The following RPRD1B variants were observed in gnomAD, a reference collection of about 807,000 sequenced individuals.
RPRD1B encodes the protein regulation of nuclear pre-mRNA domain containing 1B.
In RPRD1B, 11 loss-of-function variants were observed where a neutral mutation model predicts 41.5. The observed-to-expected ratio is 0.27, with a 90% CI of 0.17 to 0.44. The LOEUF is 0.44. Ranked by LOEUF, RPRD1B falls within the 20% of genes least tolerant of loss-of-function variation. The probability of loss-of-function intolerance (pLI) is 1.00; values close to 1 mark genes in which losing one functional copy is unlikely to be tolerated. For missense variants in RPRD1B, 248 were observed against 389.9 expected (o/e 0.64, Z 3.06); for synonymous variants, 158 against 155.6 (o/e 1.02, Z -0.12).
chr20:38,061,314 A>C (rs759431753), intron 5 of RPRD1B, among the ~76,000 whole-genome samples: 1 of 152,124 alleles, frequency 6.6e-6, no homozygotes, highest in Non-Finnish European at 1.5e-5. Context: ...CCTGGCAACC[A>C]CCATTCTTAA....
At chr20:38,047,141 G>A (rs2074128778) in intron 2 of RPRD1B, among the ~76,000 whole-genome samples, 1 of 151,932 alleles carries the variant, frequency 6.6e-6, no homozygotes, top group Non-Finnish European at 1.5e-5. Flanking sequence ...CAAGTAATTG[G>A]GTCATATTTT....
chr20:38,079,568 T>C (rs1029822025), intron 6 of RPRD1B, among the ~76,000 whole-genome samples: 109 of 152,346 alleles, frequency 7.2e-4, no homozygotes, highest in African/African-American at 2.5e-3. Context: ...TTCTTTTTTA[T>C]GGCTGCATAG....
intron 6 of RPRD1B, among the ~76,000 whole-genome samples, chr20:38,078,605 C>A (rs2074486475): frequency 6.6e-6 from 1 of 152,182 alleles, no homozygotes; most frequent in Non-Finnish European, 1.5e-5. Context: ...CCAACCCACT[C>A]CTGATACTTG....
chr20:38,034,418 A>G (rs1027683268), intron 1 of RPRD1B, among the ~76,000 whole-genome samples: 5 of 152,264 alleles, frequency 3.3e-5, no homozygotes, highest in South Asian at 2.1e-4. Flanking sequence ...TGGCCCTAGC[A>G]TGTCGGGCCC....
intron 6 of RPRD1B, among the ~76,000 whole-genome samples, chr20:38,076,944 A>T (rs1600434539): frequency 1.6e-5 from 1 of 62,562 alleles, no homozygotes; most frequent in African/African-American, 6.3e-5. Flanking sequence ...TTTGAGATGG[A>T]GTCTCGCTGT....
At chr20:38,071,828 G>A (rs1371071048) in intron 6 of RPRD1B, among the ~76,000 whole-genome samples, 1 of 152,122 alleles carries the variant, frequency 6.6e-6, no homozygotes, top group Non-Finnish European at 1.5e-5. Context: ...TTTATCTTTG[G>A]AGAAATGTGT....
At chr20:38,048,205 G>GC (rs1451213060) in intron 2 of RPRD1B, 143 bp from the exon 3 acceptor site, 4 of 766,144 alleles carry the variant, frequency 5.2e-6, no homozygotes, top group South Asian at 3.3e-5. Flanking sequence ...GGGTATCCAG[G>GC]TATTACAATA....
At chr20:38,049,920 C>T in intron 3 of RPRD1B, 1 of 456,800 alleles carries the variant, frequency 2.2e-6, no homozygotes, top group South Asian at 1.6e-5. Context: ...AACTGAATTG[C>T]CGACAGTTTA....
chr20:38,088,421 G>A (rs2074582004), intron 6 of RPRD1B, among the ~76,000 whole-genome samples: 1 of 152,176 alleles, frequency 6.6e-6, no homozygotes, highest in Non-Finnish European at 1.5e-5. Flanking sequence ...CACACAGCAG[G>A]TTAGAGGCAG....
rs1401432007 is a variant in RPRD1B, at chr20:38,090,375, C to T, written c.*500C>T. ...CCCAAAAGGTTGTAGGCACAGCTGT[C>T]GTAGCGTTGCCATAAAGAGTTTGCC... On this transcript the variant is annotated 3_prime_UTR_variant, in exon 7 of 7. Coordinates refer to ENST00000373433, the MANE Select transcript of RPRD1B (RefSeq NM_021215.4). The T allele has an allele frequency of 1.5e-5, 15 of 986,084 alleles. No homozygotes were observed. The highest frequency in any genetic ancestry group is 6.1e-5 in the Admixed American group (1 of 16,298). The allele number at this position is 986,084 out of a possible 1,614,324, so 61.1% of individuals were successfully genotyped here.
rs2074404718 is a variant in RPRD1B, at chr20:38,070,742, T to A, written c.831+4486T>A. 3.1e-6 allele frequency: 3 copies of A among 955,452 alleles called. No individual in the cohort carries two copies. In the Admixed American group the frequency reaches 1.9e-4, roughly 60 times the overall value. The allele number at this position is 955,452 out of a possible 1,614,324, so 59.2% of individuals were successfully genotyped here. ...AGTTTTCCCTTCTTAACTGTGATTT[T>A]TTTTTTTTTTTTTTTGAGACAGACT... On this transcript the variant is annotated intron_variant, in intron 6 of 6. Transcript: ENST00000373433.
rs1195065003 is a variant in RPRD1B, at chr20:38,091,064, G to C, written c.*1189G>C. 1 of 985,692 alleles carries C rather than the reference G, an allele frequency of 1.0e-6. No individual in the cohort carries two copies. Among genetic ancestry groups the C allele is most frequent in the South Asian group, 4.7e-5 (1 of 21,286 alleles). The allele number at this position is 985,692 out of a possible 1,614,324, so 61.1% of individuals were successfully genotyped here. ...ACATTATGACTATATAATGTAGTTAGAGACAATTTTTATCTTGCTTATAGT... is the reference window on the plus strand; with the variant it reads ...ACATTATGACTATATAATGTAGTTACAGACAATTTTTATCTTGCTTATAGT... On this transcript the variant is annotated 3_prime_UTR_variant, in exon 7 of 7. Coordinates refer to ENST00000373433, the MANE Select transcript of RPRD1B (RefSeq NM_021215.4).
intron 6 of RPRD1B, among the ~76,000 whole-genome samples, chr20:38,077,110 G>T (rs2074469912): frequency 6.6e-6 from 1 of 151,220 alleles, no homozygotes. Context: ...TAGAGACGGG[G>T]TTTCACCATG....
Position 38,048,244 on chromosome 20 carries a change from A to G in RPRD1B, c.282-104A>G, listed in dbSNP as rs1351809702. ...ACCTTATTTGGTTTTAAATGTGTAA[A>G]TCATTTAGTCAGTTGTTGATTTCTT... On this transcript the variant is annotated intron_variant, in intron 2 of 6. Coordinates refer to ENST00000373433, the MANE Select transcript of RPRD1B (RefSeq NM_021215.4). 2.5e-6 allele frequency: 3 copies of G among 1,199,280 alleles called. No homozygotes were observed. In the African/African-American group the frequency reaches 4.6e-5, roughly 18 times the overall value. 74.3% of individuals were successfully genotyped at this position (1,199,280 alleles called of 1,614,324 possible). A position where few individuals can be genotyped will look rare whatever the true frequency, so the allele number is the denominator to read the frequency against.
At chr20:38,053,670 G>A (rs549373734) in intron 3 of RPRD1B, among the ~76,000 whole-genome samples, 11 of 152,274 alleles carry the variant, frequency 7.2e-5, no homozygotes, top group Non-Finnish European at 1.5e-4. Context: ...TGAGCACTCC[G>A]CTTTAGGAAG....
chr20:38,062,299 C>T (rs2122730009), intron 5 of RPRD1B, among the ~76,000 whole-genome samples: 1 of 152,248 alleles, frequency 6.6e-6, no homozygotes, highest in Middle Eastern at 3.4e-3. Context: ...CCTTCTTTAG[C>T]TGGTTTCACT....
In RPRD1B at chr20:38,091,050, A is replaced by G. The variant is rs1600451355; in HGVS notation, c.*1175A>G. The G allele has an allele frequency of 3.1e-6, 3 of 983,160 alleles. No individual in the cohort carries two copies. The highest frequency in any genetic ancestry group is 4.7e-5 in the South Asian group (1 of 21,244). The allele number at this position is 983,160 out of a possible 1,614,324, so 60.9% of individuals were successfully genotyped here. On this transcript the variant is annotated 3_prime_UTR_variant, in exon 7 of 7. Transcript: ENST00000373433. Reference sequence around the variant, plus strand: ...TATCATGTCAGCTGACATTATGACTATATAATGTAGTTAGAGACAATTTTT... The same window carrying G: ...TATCATGTCAGCTGACATTATGACTGTATAATGTAGTTAGAGACAATTTTT...
chr20:38,057,695 A>C, intron 4 of RPRD1B, 51 bp downstream of exon 4: 1 of 1,293,178 alleles, frequency 7.7e-7, no homozygotes, highest in Non-Finnish European at 1.1e-6. Flanking sequence ...AGTGACCTCT[A>C]GTTGAAGACT....
At chr20:38,076,399 T>C (rs2074459761) in intron 6 of RPRD1B, among the ~76,000 whole-genome samples, 1 of 152,250 alleles carries the variant, frequency 6.6e-6, no homozygotes, top group Non-Finnish European at 1.5e-5. Context: ...ATGGGACCTT[T>C]AGGGCCAATT....
Sources: gnomAD v4.1 joint callset for allele counts (sites outside exome capture counted in the v4.1 genomes callset) on GRCh38, gnomAD v4.1.1 for gene constraint, MANE v1.5 for transcripts, NCBI Gene and HGNC (gene_info 2026-07-23, HGNC 2026-07-21) for gene names.